Variants in STX3 observed in about 807,000 individuals in gnomAD.
The protein encoded by STX3 is syntaxin-3.
Under a neutral mutation model 40.2 loss-of-function variants are expected in STX3, and 19 were observed. The ratio of observed to expected loss-of-function variants is 0.47; its 90% confidence interval spans 0.33 to 0.69. The LOEUF is 0.69. Among genes scored for constraint, STX3 ranks in the 30% least tolerant of loss-of-function variants. STX3 has a pLI of 0.02. For synonymous variants in STX3, 122 were observed against 132.2 expected (o/e 0.92, Z 0.53); for missense variants, 364 against 366.7 (o/e 0.99, Z 0.06).
chr11:59,754,978 C>T (rs568095681), upstream of STX3: 1 of 152,348 alleles, frequency 6.6e-6, no homozygotes, highest in South Asian at 2.1e-4. Flanking sequence ...CTCGGAATGC[C>T]TTCCTCCTGG....
At chr11:59,763,279 T>C (rs1863129456) in intron 1 of STX3, among the ~76,000 whole-genome samples, 1 of 152,186 alleles carries the variant, frequency 6.6e-6, no homozygotes, top group East Asian at 1.9e-4. Context: ...TTCCTTACTG[T>C]GTGATTCTGG....
intron 1 of STX3, among the ~76,000 whole-genome samples, 170 bp from the exon 2 acceptor site, chr11:59,773,041 A>C (rs991340360): frequency 3.3e-5 from 5 of 151,658 alleles, no homozygotes; most frequent in African/African-American, 9.7e-5. Context: ...GCTAGGATTT[A>C]ATTTCAGATG....
At chr11:59,784,047 A>G (rs1329437949) in intron 2 of STX3, among the ~76,000 whole-genome samples, 1 of 152,184 alleles carries the variant, frequency 6.6e-6, no homozygotes, top group East Asian at 1.9e-4. Flanking sequence ...TCTCCTGTGC[A>G]TAGGGCAGGG....
chr11:59,795,286 A>G, intron 8 of STX3, 86 bp from the exon 9 acceptor site: 1 of 1,131,888 alleles, frequency 8.8e-7, no homozygotes, highest in Non-Finnish European at 1.3e-6. Flanking sequence ...GCCACTGAAG[A>G]TTGTAAGAAA....
intron 1 of STX3, among the ~76,000 whole-genome samples, chr11:59,762,091 G>A (rs964210537): frequency 6.6e-6 from 1 of 152,158 alleles, no homozygotes; most frequent in African/African-American, 2.4e-5. Context: ...ATTGCATTCG[G>A]TTGTCACATC....
intron 2 of STX3, among the ~76,000 whole-genome samples, chr11:59,775,531 G>A (rs531123573): frequency 6.6e-6 from 1 of 152,368 alleles, no homozygotes; most frequent in Admixed American, 6.5e-5. Context: ...TGTTAGGTGT[G>A]AAGATGGTGG....
At chr11:59,791,492 C>T (rs1045235633) in intron 5 of STX3, among the ~76,000 whole-genome samples, 1 of 151,954 alleles carries the variant, frequency 6.6e-6, no homozygotes, top group Non-Finnish European at 1.5e-5. Flanking sequence ...CTGGAAGGTC[C>T]CTAGTTAGGT....
chr11:59,797,470 C>A, intron 10 of STX3, 74 bp downstream of exon 10: 1 of 1,084,626 alleles, frequency 9.2e-7, no homozygotes, highest in Non-Finnish European at 1.4e-6. Context: ...ATTTCAAATT[C>A]CTCTTCTTTC....
intron 8 of STX3, among the ~76,000 whole-genome samples, chr11:59,793,893 C>T (rs896537431): frequency 6.6e-6 from 1 of 151,630 alleles, no homozygotes; most frequent in Non-Finnish European, 1.5e-5. Flanking sequence ...GCAGCTTGAC[C>T]TCCCAGGATC....
At chr11:59,797,524 C>G in intron 10 of STX3, 128 bp downstream of exon 10, 2 of 667,050 alleles carry the variant, frequency 3.0e-6, no homozygotes, top group South Asian at 3.8e-5. Context: ...CTAAAACTTT[C>G]AGTAGCCTGT....
intron 8 of STX3, among the ~76,000 whole-genome samples, chr11:59,795,002 A>G (rs1393495864): frequency 6.6e-6 from 1 of 152,250 alleles, no homozygotes; most frequent in Non-Finnish European, 1.5e-5. Flanking sequence ...GTGATGTCCT[A>G]ATAACAATGA....
rs1008287210 is a variant in STX3 at position 59,796,997 on chromosome 11, T to G, written c.787-286T>G. ...ATGGTGGTGCATGCCTGTAGTCCTATGTACTCAGGAGGCTGAGGCAGGAGG... is the reference window on the plus strand; with the variant it reads ...ATGGTGGTGCATGCCTGTAGTCCTAGGTACTCAGGAGGCTGAGGCAGGAGG... On this transcript the variant is annotated intron_variant, in intron 9 of 10. Transcript: ENST00000337979. Among the ~76,000 whole-genome samples, 40 of 152,060 alleles carry G rather than the reference T, an allele frequency of 2.6e-4. 1 individual carries two copies. The highest frequency in any genetic ancestry group is 8.2e-4 in the African/African-American group (34 of 41,392).
At chr11:59,789,858 C>A (rs1292031670) in intron 4 of STX3, among the ~76,000 whole-genome samples, 2 of 152,168 alleles carry the variant, frequency 1.3e-5, no homozygotes, top group Admixed American at 6.5e-5. Context: ...CTCACTCCCC[C>A]CATTTGGGAG....
Position 59,788,259 on chromosome 11 carries a change from A to T in STX3, c.215-614A>T, listed in dbSNP as rs181245423. Among the ~76,000 whole-genome samples the T allele has an allele frequency of 2.0e-3, 298 of 152,194 alleles. 2 individuals are homozygous for T. Among genetic ancestry groups the T allele is most frequent in the Middle Eastern group, 6.8e-3 (2 of 294 alleles). ...TACCTTACTCCACGCTGCATATTAG[A>T]GCTGCTGATTTATTTCTCCTTTGTC... On this transcript the variant is annotated intron_variant, in intron 3 of 10. Transcript: ENST00000337979.
chr11:59,795,180 A>T (rs1288177167), intron 8 of STX3, among the ~76,000 whole-genome samples, 192 bp from the exon 9 acceptor site: 1 of 152,176 alleles, frequency 6.6e-6, no homozygotes, highest in East Asian at 1.9e-4. Flanking sequence ...AATTCACTGA[A>T]TGTTTCTTGA....
At chr11:59,791,276 G>T (rs1666113076) in intron 5 of STX3, among the ~76,000 whole-genome samples, 1 of 152,138 alleles carries the variant, frequency 6.6e-6, no homozygotes, top group Non-Finnish European at 1.5e-5. Context: ...TAGGCTTTCT[G>T]TAGAAAAAAG....
chr11:59,759,693 G>T (rs1288134313), intron 1 of STX3, among the ~76,000 whole-genome samples: 1 of 152,124 alleles, frequency 6.6e-6, no homozygotes, highest in Non-Finnish European at 1.5e-5. Flanking sequence ...ACCACCTGGG[G>T]CTCTAAAGGC....
chr11:59,781,203 T>C (rs1489942691), intron 2 of STX3: 2 of 721,022 alleles, frequency 2.8e-6, no homozygotes, highest in African/African-American at 1.9e-5. Context: ...ATAAAGATAA[T>C]TGAACACAGT....
chr11:59,780,727 G>A (rs983429826), intron 2 of STX3, among the ~76,000 whole-genome samples: 3 of 152,134 alleles, frequency 2.0e-5, no homozygotes, highest in Non-Finnish European at 4.4e-5. Context: ...CTGACCTGCT[G>A]TTGCTAATTT....
Sources: allele counts gnomAD v4.1 joint callset (sites outside exome capture counted in the v4.1 genomes callset), GRCh38; gene constraint gnomAD v4.1.1; transcripts MANE v1.5; gene names NCBI Gene and HGNC (gene_info 2026-07-23, HGNC 2026-07-21).